The following ARHGAP12 variants were observed in gnomAD, a reference collection of about 807,000 sequenced individuals.
ARHGAP12 encodes the protein rho GTPase-activating protein 12.
A neutral mutation model predicts 108.6 loss-of-function variants in ARHGAP12; 64 were observed. That is an observed-to-expected ratio of 0.59 (90% CI 0.48 to 0.73). The LOEUF (loss-of-function observed/expected upper bound fraction) is 0.73. Among genes scored for constraint, ARHGAP12 ranks in the 30% least tolerant of loss-of-function variants. The pLI is 0.00. For synonymous variants in ARHGAP12, 312 were observed against 337.2 expected (o/e 0.93, Z 0.82); for missense variants, 940 against 1,005.9 (o/e 0.93, Z 0.89).
At chr10:31,918,403 T>C (rs1839655114) in intron 1 of ARHGAP12, among the ~76,000 whole-genome samples, 1 of 151,944 alleles carries the variant, frequency 6.6e-6, no homozygotes, top group African/African-American at 2.4e-5. Flanking sequence ...GCTATCATTT[T>C]TTTTAAATTA....
In ARHGAP12 at chr10:31,805,657, CACACA is replaced by C. The variant is rs1213487863; in HGVS notation, c.*1996_*2000del. On this transcript the variant is annotated 3_prime_UTR_variant, in exon 20 of 20. Coordinates refer to ENST00000344936, the MANE Select transcript of ARHGAP12 (RefSeq NM_018287.7). ...TAAAACATTTAAGACTTCACACACA[CACACA>C]CACACACACACACACACACACACGT... The C allele has an allele frequency of 6.7e-6, 1 of 149,944 alleles. No individual in the cohort carries two copies. Among genetic ancestry groups the C allele is most frequent in the Non-Finnish European group, 1.5e-5 (1 of 67,436 alleles). 9.3% of individuals were successfully genotyped at this position (149,944 alleles called of 1,614,324 possible).
chr10:31,918,366 A>G (rs1430235809), intron 1 of ARHGAP12, among the ~76,000 whole-genome samples: 1 of 149,876 alleles, frequency 6.7e-6, no homozygotes, highest in Non-Finnish European at 1.5e-5. Context: ...CACACCAATG[A>G]GATACCACTT....
intron 1 of ARHGAP12, among the ~76,000 whole-genome samples, chr10:31,921,855 G>A (rs1839829182): frequency 6.7e-6 from 1 of 149,142 alleles, no homozygotes; most frequent in Non-Finnish European, 1.5e-5. Flanking sequence ...ACAGAAAAAT[G>A]TTAGAGAAAA....
chr10:31,816,168 C>CGTGTGTGT (rs201754040), intron 13 of ARHGAP12, among the ~76,000 whole-genome samples: 20,318 of 136,206 alleles, frequency 0.15, 1,816 homozygotes, highest in East Asian at 0.39. Context: ...AAGAAAGAAA[C>CGTGTGTGT]GTGTGTGTGT....
intron 3 of ARHGAP12, among the ~76,000 whole-genome samples, chr10:31,883,490 G>C (rs77081963): frequency 0.022 from 3,310 of 152,254 alleles, 131 homozygotes; most frequent in African/African-American, 0.075. Context: ...TAACATAGTA[G>C]AGGTATTTTT....
chr10:31,884,376 G>A (rs1029630735), intron 3 of ARHGAP12, among the ~76,000 whole-genome samples: 1 of 150,814 alleles, frequency 6.6e-6, no homozygotes, highest in Non-Finnish European at 1.5e-5. Flanking sequence ...TTATTGCCTG[G>A]ATTCTCACAT....
chr10:31,927,959 T>G (rs11008695), intron 1 of ARHGAP12, among the ~76,000 whole-genome samples: 81,470 of 152,050 alleles, frequency 0.54, 22,422 homozygotes, highest in African/African-American at 0.65. Context: ...TCCGCCCAGA[T>G]AAGCTGGAGG....
At chr10:31,810,553 A>T (rs1834978288) in intron 16 of ARHGAP12, 96 bp downstream of exon 16, 1 of 798,710 alleles carries the variant, frequency 1.3e-6, no homozygotes, top group Non-Finnish European at 2.0e-6. Context: ...TTCTGTTTGC[A>T]TCACTCAAAA....
intron 3 of ARHGAP12, among the ~76,000 whole-genome samples, chr10:31,872,406 A>G (rs1837573339): frequency 1.3e-5 from 2 of 152,158 alleles, no homozygotes; most frequent in South Asian, 2.1e-4. Flanking sequence ...ACCTTCTTCC[A>G]TAACATACTA....
intron 3 of ARHGAP12, among the ~76,000 whole-genome samples, chr10:31,876,976 GA>G (rs990505686): frequency 6.6e-6 from 1 of 152,140 alleles, no homozygotes; most frequent in Non-Finnish European, 1.5e-5. Flanking sequence ...ATCCTCATCT[GA>G]AGACTCAATA....
chr10:31,865,508 T>A (rs1052296065), intron 3 of ARHGAP12, among the ~76,000 whole-genome samples: 1 of 152,056 alleles, frequency 6.6e-6, no homozygotes, highest in Admixed American at 6.5e-5. Context: ...GGTTGATAAG[T>A]CTTTTCAAAA....
At chr10:31,893,967 C>T (rs1838567033) in intron 3 of ARHGAP12, among the ~76,000 whole-genome samples, 1 of 152,130 alleles carries the variant, frequency 6.6e-6, no homozygotes, top group East Asian at 1.9e-4. Flanking sequence ...AAACGTAATC[C>T]AGCATATAAA....
chr10:31,817,197 ACT>A (rs1835235517), intron 13 of ARHGAP12, among the ~76,000 whole-genome samples: 1 of 151,536 alleles, frequency 6.6e-6, no homozygotes. Flanking sequence ...TGATGGCGAG[ACT>A]CTGTTTCAAA....
chr10:31,927,563 T>A (rs1840101554), intron 1 of ARHGAP12, among the ~76,000 whole-genome samples: 1 of 152,198 alleles, frequency 6.6e-6, no homozygotes, highest in East Asian at 1.9e-4. Context: ...TACTTCTCAA[T>A]GTCATGATTA....
At chr10:31,914,293 A>G (rs1357065802) in intron 1 of ARHGAP12, among the ~76,000 whole-genome samples, 1 of 152,152 alleles carries the variant, frequency 6.6e-6, no homozygotes, top group African/African-American at 2.4e-5. Context: ...TAGTAGGTTC[A>G]TAGTTTCAGG....
At chr10:31,830,511 C>T (rs1459404743) in intron 10 of ARHGAP12, among the ~76,000 whole-genome samples, 1 of 151,802 alleles carries the variant, frequency 6.6e-6, no homozygotes, top group Non-Finnish European at 1.5e-5. Context: ...TGAATTCTAC[C>T]AAAGAACAGT....
intron 9 of ARHGAP12, among the ~76,000 whole-genome samples, chr10:31,835,345 C>G (rs550013171): frequency 6.6e-6 from 1 of 152,066 alleles, no homozygotes; most frequent in Non-Finnish European, 1.5e-5. Flanking sequence ...TCTTAAGTCC[C>G]ATAAAATATA....
intron 3 of ARHGAP12, among the ~76,000 whole-genome samples, chr10:31,877,398 T>C (rs966393866): frequency 2.0e-5 from 3 of 152,216 alleles, no homozygotes; most frequent in Non-Finnish European, 4.4e-5. Flanking sequence ...TAATTACCTA[T>C]AGTTTCTAGA....
At chr10:31,883,316 T>C (rs1003180934) in intron 3 of ARHGAP12, among the ~76,000 whole-genome samples, 1 of 152,132 alleles carries the variant, frequency 6.6e-6, no homozygotes, top group African/African-American at 2.4e-5. Context: ...AAATACCTAC[T>C]CTTTTAAGAC....
Sources: gnomAD v4.1 joint callset for allele counts (sites outside exome capture counted in the v4.1 genomes callset) on GRCh38, gnomAD v4.1.1 for gene constraint, MANE v1.5 for transcripts, NCBI Gene and HGNC (gene_info 2026-07-23, HGNC 2026-07-21) for gene names.